KIAA0586: variants seen among roughly 807,000 people sequenced by gnomAD.
KIAA0586 encodes the protein KIAA0586.
A neutral mutation model predicts 169.8 loss-of-function variants in KIAA0586; 144 were observed. The ratio of observed to expected loss-of-function variants is 0.85; its 90% CI spans 0.74 to 0.97. KIAA0586 has a LOEUF of 0.97. Ranked by LOEUF, KIAA0586 falls within the 50% of genes least tolerant of loss-of-function variation. The probability of loss-of-function intolerance (pLI) is 0.00; values close to 1 mark genes in which losing one functional copy is unlikely to be tolerated. For synonymous variants in KIAA0586, 625 were observed against 612.4 expected (o/e 1.02, Z -0.30); for missense variants, 1,854 against 1,823.0 (o/e 1.02, Z -0.31).
intron 2 of KIAA0586, among the ~76,000 whole-genome samples, chr14:58,430,370 A>G (rs1396503387): frequency 6.6e-6 from 1 of 152,168 alleles, no homozygotes; most frequent in Non-Finnish European, 1.5e-5. Flanking sequence ...CTCTGCTACA[A>G]GTGGCAAACT....
At chr14:58,497,638 G>A (rs2043251595) in intron 26 of KIAA0586, among the ~76,000 whole-genome samples, 1 of 151,594 alleles carries the variant, frequency 6.6e-6, no homozygotes, top group Non-Finnish European at 1.5e-5. Context: ...GCTGGGTGGT[G>A]TGAGCCACCA....
intron 29 of KIAA0586, chr14:58,521,524 A>G (rs1430928212): frequency 2.6e-6 from 2 of 782,000 alleles, no homozygotes; most frequent in Middle Eastern, 2.4e-4. Flanking sequence ...TCCTCCTCCT[A>G]TTGCTCGGGC....
chr14:58,537,848 C>T (rs890016125), intron 29 of KIAA0586, among the ~76,000 whole-genome samples: 8 of 152,084 alleles, frequency 5.3e-5, no homozygotes. Context: ...GGGGTTTCAC[C>T]GTGTTAGCCA....
chr14:58,428,302 A>G lies in KIAA0586; in HGVS notation c.38A>G (p.Lys13Arg). The change falls in exon 1 of 31, where the codon AAG becomes AGG. Residue 13 changes from lysine to arginine, a missense_variant. Coordinates refer to ENST00000652326, the MANE Select transcript of KIAA0586 (RefSeq NM_001329943.3). ...GAGGTCAGCTTGGAGAAGAAAAAAA[A>G]GATTAAGATGCCAGTGAAGAGACTT... ...GSEVSLEKKK[K>R]IKMPVKRLRE... The G allele has an allele frequency of 6.2e-7, 1 of 1,613,924 alleles. No homozygotes were observed. The highest frequency in any genetic ancestry group is 8.5e-7 in the Non-Finnish European group (1 of 1,179,842).
intron 30 of KIAA0586, 83 bp from the exon 31 acceptor site, chr14:58,547,698 A>T: frequency 1.1e-6 from 1 of 913,466 alleles, no homozygotes; most frequent in Non-Finnish European, 1.6e-6. Context: ...CCCCACCCCA[A>T]CCTCATATTA....
At chr14:58,496,230 T>G (rs2043149492) in intron 26 of KIAA0586, among the ~76,000 whole-genome samples, 1 of 152,202 alleles carries the variant, frequency 6.6e-6, no homozygotes, top group South Asian at 2.1e-4. Context: ...GCAACCTGAC[T>G]TAAATTGGCA....
At chr14:58,438,448 G>A (rs952778948) in intron 4 of KIAA0586, among the ~76,000 whole-genome samples, 1 of 152,034 alleles carries the variant, frequency 6.6e-6, no homozygotes, top group African/African-American at 2.4e-5. Context: ...TATATATTGA[G>A]CACTTACTAC....
intron 4 of KIAA0586, among the ~76,000 whole-genome samples, chr14:58,441,520 T>C (rs1479918304): frequency 6.6e-6 from 1 of 152,116 alleles, no homozygotes; most frequent in African/African-American, 2.4e-5. Context: ...ATAATTCTTA[T>C]ATAAATATTT....
rs778933928 is a variant in KIAA0586 at position 58,537,118 on chromosome 14, A to G, written c.4430-2953A>G. The G allele has an allele frequency of 3.7e-5, 44 of 1,201,648 alleles. 1 individual carries two copies. The highest frequency in any genetic ancestry group is 4.2e-5 in the Non-Finnish European group (40 of 945,626). 74.4% of individuals were successfully genotyped at this position (1,201,648 alleles called of 1,614,324 possible). A position where few individuals can be genotyped will look rare whatever the true frequency, so the allele number is the denominator to read the frequency against. On this transcript the variant is annotated intron_variant, in intron 29 of 30. Transcript: ENST00000652326. ...TTGCTGTTTTAATCATCAACTGCAG[A>G]GCACAATACTCACCCTTCCAGTAAA... is the stretch of plus-strand genomic sequence containing the variant.
Position 58,512,689 on chromosome 14 carries a change from A to G in KIAA0586, c.4429+62A>G, listed in dbSNP as rs567253396. 289 of 932,666 alleles carry G rather than the reference A, an allele frequency of 3.1e-4. No homozygotes were observed. The highest frequency in any genetic ancestry group is 8.2e-4 in the Admixed American group (23 of 28,160). 57.8% of individuals were successfully genotyped at this position (932,666 alleles called of 1,614,324 possible). A position where few individuals can be genotyped will look rare whatever the true frequency, so the allele number is the denominator to read the frequency against. ...ATACTTGTCTGAATATTGAACAAAT[A>G]TGAGAATTCTTTACTTTTTATACAT... On this transcript the variant is annotated intron_variant, in intron 29 of 30. Transcript: ENST00000652326.
chr14:58,498,735 A>C, intron 26 of KIAA0586, 48 bp from the exon 27 acceptor site: 1 of 1,506,148 alleles, frequency 6.6e-7, no homozygotes, highest in Non-Finnish European at 8.9e-7. Context: ...TCCTGTTTTG[A>C]CTTGATTTTA....
chr14:58,485,458 T>C (rs1041602067), intron 21 of KIAA0586, among the ~76,000 whole-genome samples: 25 of 152,184 alleles, frequency 1.6e-4, no homozygotes, highest in Non-Finnish European at 3.4e-4. Context: ...AGTAAAATCT[T>C]GTAGTAGGAA....
At chr14:58,561,001 G>A in the KIAA0586 span, among the ~76,000 whole-genome samples, 1 of 152,178 alleles carries the variant, frequency 6.6e-6, no homozygotes, top group Non-Finnish European at 1.5e-5. Flanking sequence ...TTCTGTTGCT[G>A]AATTAAAGGC....
chr14:58,479,939 C>T (rs535299469), intron 20 of KIAA0586, among the ~76,000 whole-genome samples: 1 of 152,236 alleles, frequency 6.6e-6, no homozygotes, highest in Non-Finnish European at 1.5e-5. Context: ...AATAGTAACA[C>T]TTGAAATTGG....
At chr14:58,477,322 C>A in intron 20 of KIAA0586, 81 bp downstream of exon 20, 4 of 703,542 alleles carry the variant, frequency 5.7e-6, no homozygotes, top group South Asian at 5.4e-5. Flanking sequence ...TTCCAGAGGT[C>A]AAGTAAATTC....
At chr14:58,517,793 A>T (rs916445617) in intron 29 of KIAA0586, among the ~76,000 whole-genome samples, 1 of 152,234 alleles carries the variant, frequency 6.6e-6, no homozygotes, top group Non-Finnish European at 1.5e-5. Flanking sequence ...GTACTCAGCA[A>T]TGAACAGACG....
chr14:58,472,597 A>G (rs1313478258), intron 18 of KIAA0586, among the ~76,000 whole-genome samples: 1 of 149,990 alleles, frequency 6.7e-6, no homozygotes, highest in East Asian at 2.0e-4. Context: ...CTTTCTGTTA[A>G]TTTTGGTTTT....
Position 58,516,408 on chromosome 14 carries a change from G to GA in KIAA0586, c.4429+3790dup, listed in dbSNP as rs1193732682. On this transcript the variant is annotated intron_variant, in intron 29 of 30. Transcript: ENST00000652326. ...CCTATTTGGCTGGGGGAAGGGTAAA[G>GA]AAAAAAAAAGAATCCACTCCTGGCG... Among the ~76,000 whole-genome samples the GA allele has an allele frequency of 1.7e-4, 26 of 150,928 alleles. 1 individual carries two copies. The South Asian group carries it at 4.0e-3, about 23-fold the overall frequency.
intron 19 of KIAA0586, among the ~76,000 whole-genome samples, chr14:58,475,769 A>G (rs962287991): frequency 6.6e-6 from 1 of 152,218 alleles, no homozygotes; most frequent in Non-Finnish European, 1.5e-5. Flanking sequence ...AAAGCAGGAT[A>G]CTAACAATGT....
Sources: gnomAD v4.1 joint callset for allele counts (sites outside exome capture counted in the v4.1 genomes callset) on GRCh38, gnomAD v4.1.1 for gene constraint, MANE v1.5 for transcripts, NCBI Gene and HGNC (gene_info 2026-07-23, HGNC 2026-07-21) for gene names.